Variants in SPTLC2 observed in about 807,000 individuals in gnomAD.
The protein encoded by SPTLC2 is serine palmitoyltransferase long chain base subunit 2, also known as serine palmitoyltransferase 2.
In SPTLC2, 21 loss-of-function variants were observed where a neutral mutation model predicts 62.0. That is an observed-to-expected ratio of 0.34 (90% CI 0.24 to 0.49). The LOEUF (loss-of-function observed/expected upper bound fraction) is 0.49, where lower values mean the gene tolerates loss of function less well. SPTLC2 is among the 20% of genes least tolerant of loss of function. The probability of loss-of-function intolerance (pLI) is 0.99; values close to 1 mark genes in which losing one functional copy is unlikely to be tolerated. For synonymous variants in SPTLC2, 261 were observed against 261.8 expected, an observed-to-expected ratio of 1.00 and a Z score of 0.03; for missense variants, 511 against 713.0, an observed-to-expected ratio of 0.72 and a Z score of 3.23.
intron 11 of SPTLC2, among the ~76,000 whole-genome samples, chr14:77,515,839 C>A (rs1371667694): frequency 6.6e-6 from 1 of 152,060 alleles, no homozygotes; most frequent in Non-Finnish European, 1.5e-5. Flanking sequence ...GAAAGGCTTT[C>A]TTAAGTTTAT....
chr14:77,532,991 T>G (rs2079448899), intron 9 of SPTLC2, among the ~76,000 whole-genome samples: 1 of 151,326 alleles, frequency 6.6e-6, no homozygotes, highest in Non-Finnish European at 1.5e-5. Flanking sequence ...AAAAGGTCAG[T>G]TTCAGATTAA....
intron 1 of SPTLC2, among the ~76,000 whole-genome samples, chr14:77,614,703 T>C (rs1595024019): frequency 1.4e-5 from 2 of 147,502 alleles, no homozygotes; most frequent in East Asian, 4.0e-4. Flanking sequence ...TACCTCGGCC[T>C]GGTGCGCCTG....
intron 8 of SPTLC2, among the ~76,000 whole-genome samples, chr14:77,554,310 T>C (rs370576595): frequency 1.3e-5 from 2 of 152,326 alleles, no homozygotes; most frequent in South Asian, 2.1e-4. Context: ...AAAGCACAAT[T>C]CAGTGGTTTT....
chr14:77,586,034 T>C (rs1048145248), intron 2 of SPTLC2, among the ~76,000 whole-genome samples: 7 of 152,056 alleles, frequency 4.6e-5, no homozygotes, highest in Admixed American at 2.6e-4. Context: ...CAAAGGTACA[T>C]GTAGACTTTG....
chr14:77,611,321 A>C (rs2079935668), intron 1 of SPTLC2, among the ~76,000 whole-genome samples: 1 of 150,516 alleles, frequency 6.6e-6, no homozygotes, highest in African/African-American at 2.4e-5. Flanking sequence ...AAATTAGCCC[A>C]CTGTAGTGGT....
chr14:77,580,845 T>C (rs1352926201), intron 2 of SPTLC2, among the ~76,000 whole-genome samples: 1 of 152,242 alleles, frequency 6.6e-6, no homozygotes, highest in African/African-American at 2.4e-5. Context: ...AGTGGGACTC[T>C]GTCTCTACAA....
At chr14:77,583,238 T>TAAATAAATAAATAAAA (rs1397782318) in intron 2 of SPTLC2, among the ~76,000 whole-genome samples, 17 of 140,334 alleles carry the variant, frequency 1.2e-4, no homozygotes, top group African/African-American at 4.2e-4. Flanking sequence ...AATAAATAAA[T>TAAATAAATAAATAAAA]AAAAATAATA....
Position 77,594,375 on chromosome 14 carries a change from C to T in SPTLC2, c.327+2811G>A, listed in dbSNP as rs114117413. 6.2e-3 allele frequency among the ~76,000 whole-genome samples: 947 copies of T among 152,300 alleles called. 8 individuals are homozygous for T. Among genetic ancestry groups the T allele is most frequent in the African/African-American group, 0.022 (918 of 41,570 alleles). ...TGAAACAAGTTCCAAAGATAATGTA[C>T]TCACAAAGTAATTCAGATACATCTT... On this transcript the variant is annotated intron_variant, in intron 2 of 11. Coordinates refer to ENST00000216484, the MANE Select transcript of SPTLC2 (RefSeq NM_004863.4).
chr14:77,575,096 C>A (rs908921959), intron 4 of SPTLC2, among the ~76,000 whole-genome samples: 1 of 151,972 alleles, frequency 6.6e-6, no homozygotes, highest in African/African-American at 2.4e-5. Flanking sequence ...GTGGCGTGCA[C>A]CTATAGTCCT....
chr14:77,568,934 C>G (rs2079661953), intron 5 of SPTLC2, among the ~76,000 whole-genome samples: 1 of 152,126 alleles, frequency 6.6e-6, no homozygotes, highest in Non-Finnish European at 1.5e-5. Flanking sequence ...CCCATTTATG[C>G]CAGAGGTTAC....
At chr14:77,608,039 T>C (rs1183527772) in intron 1 of SPTLC2, among the ~76,000 whole-genome samples, 1 of 152,158 alleles carries the variant, frequency 6.6e-6, no homozygotes, top group Non-Finnish European at 1.5e-5. Context: ...GTCTCACAGC[T>C]GAAGCCCTTG....
chr14:77,570,581 G>C (rs1358826972), intron 4 of SPTLC2, 73 bp from the exon 5 acceptor site: 1 of 1,535,660 alleles, frequency 6.5e-7, no homozygotes, highest in Non-Finnish European at 8.9e-7. Flanking sequence ...TTTATTAAAA[G>C]AAATCATAGT....
chr14:77,591,299 G>C (rs114912592), intron 2 of SPTLC2, among the ~76,000 whole-genome samples: 3,784 of 152,278 alleles, frequency 0.025, 157 homozygotes, highest in African/African-American at 0.087. Context: ...GAGACAGAAA[G>C]TAGATTAGTG....
intron 2 of SPTLC2, among the ~76,000 whole-genome samples, chr14:77,595,593 A>C (rs1326976587): frequency 6.6e-6 from 1 of 152,148 alleles, no homozygotes; most frequent in African/African-American, 2.4e-5. Context: ...AGGATGCCTA[A>C]TCTTGAGTTC....
rs1443676342 is a variant in SPTLC2, at chr14:77,507,328, A to G, written c.*4956T>C. 7 of 147,224 alleles carry G rather than the reference A, an allele frequency of 4.8e-5. No individual in the cohort carries two copies. The East Asian group carries it at 1.4e-3, about 29-fold the overall frequency. The allele number at this position is 147,224 out of a possible 1,614,324, so 9.1% of individuals were successfully genotyped here. ...CATGGCAATGGCTAGGGGCCTGGGC[A>G]CACCTTTTTTTTTTTTTTTTGAGAC... On this transcript the variant is annotated 3_prime_UTR_variant, in exon 12 of 12. Transcript: ENST00000216484.
At chr14:77,560,873 G>A (rs1433512521) in intron 6 of SPTLC2, among the ~76,000 whole-genome samples, 1 of 133,448 alleles carries the variant, frequency 7.5e-6, no homozygotes, top group African/African-American at 2.8e-5. Flanking sequence ...TGAGGCAGGG[G>A]AGGTTGAGGA....
chr14:77,608,360 C>A (rs193218691), intron 1 of SPTLC2, among the ~76,000 whole-genome samples: 9 of 152,228 alleles, frequency 5.9e-5, no homozygotes, highest in Admixed American at 3.9e-4. Flanking sequence ...TTTTTGTCAA[C>A]CAGCAGAGTA....
intron 1 of SPTLC2, among the ~76,000 whole-genome samples, chr14:77,605,537 G>C (rs114312614): frequency 4.3e-4 from 66 of 152,296 alleles, no homozygotes; most frequent in African/African-American, 1.5e-3. Flanking sequence ...GGGAGAAGAG[G>C]CCTCTCTAGG....
Position 77,521,732 on chromosome 14 carries a change from T to C in SPTLC2, c.1304-151A>G, listed in dbSNP as rs185132192. ...AAAATATTTTACAGAGTAAACCATA[T>C]GGAATATAAATGTAAAATGTCTCAT... On this transcript the variant is annotated intron_variant, in intron 9 of 11. Transcript: ENST00000216484. 1.6e-3 allele frequency: 1,138 copies of C among 717,686 alleles called. 6 individuals carry two copies. In the African/African-American group the frequency reaches 0.018, roughly 11 times the overall value. The allele number at this position is 717,686 out of a possible 1,614,324, so 44.5% of individuals were successfully genotyped here. A position where few individuals can be genotyped will look rare whatever the true frequency, so the allele number is the denominator to read the frequency against.
Sources: gnomAD v4.1 joint callset for allele counts (sites outside exome capture counted in the v4.1 genomes callset) on GRCh38, gnomAD v4.1.1 for gene constraint, MANE v1.5 for transcripts, NCBI Gene and HGNC (gene_info 2026-07-23, HGNC 2026-07-21) for gene names.